CHD8: variants seen among roughly 807,000 people sequenced by gnomAD.
CHD8 encodes ATP-dependent chromatin remodeler CHD8.
CHD8 carries 31 observed loss-of-function variants against 279.2 expected under a neutral mutation model. That is an observed-to-expected ratio of 0.11 (90% CI 0.08 to 0.15). The LOEUF is 0.15. Ranked by LOEUF, CHD8 falls within the 10% of genes least tolerant of loss-of-function variation. The probability of loss-of-function intolerance (pLI) is 1.00; values close to 1 mark genes in which losing one functional copy is unlikely to be tolerated. For missense variants in CHD8, 2,146 were observed against 3,230.5 expected (o/e 0.66, Z 8.14); for synonymous variants, 1,081 against 1,139.6 (o/e 0.95, Z 1.04).
chr14:21,423,310 C>G (rs1889137486), intron 5 of CHD8, among the ~76,000 whole-genome samples: 1 of 152,158 alleles, frequency 6.6e-6, no homozygotes, highest in Non-Finnish European at 1.5e-5. Context: ...TGGCGAGGAC[C>G]TTCTTGCCAC....
intron 1 of CHD8, among the ~76,000 whole-genome samples, chr14:21,448,337 A>G (rs1244408902): frequency 6.6e-6 from 1 of 152,248 alleles, no homozygotes; most frequent in Non-Finnish European, 1.5e-5. Flanking sequence ...TTTCCCCTGT[A>G]CAGCTTAAAG....
chr14:21,438,852 G>T (rs1889885442), intron 1 of CHD8, among the ~76,000 whole-genome samples: 2 of 151,168 alleles, frequency 1.3e-5, no homozygotes, highest in Non-Finnish European at 3.0e-5. Context: ...AAAAAGCCAG[G>T]TGCAGTGGCT....
At chr14:21,418,824 A>C (rs1888875370) in intron 5 of CHD8, among the ~76,000 whole-genome samples, 1 of 152,166 alleles carries the variant, frequency 6.6e-6, no homozygotes, top group South Asian at 2.1e-4. Flanking sequence ...CCGTCTCAAA[A>C]AATAAATAAA....
At chr14:21,415,480 G>T (rs1180198078) in intron 7 of CHD8, 94 bp downstream of exon 7, 18 of 701,426 alleles carry the variant, frequency 2.6e-5, no homozygotes, top group Non-Finnish European at 3.6e-5. Context: ...ACTTTAGCCT[G>T]GGTAACACAG....
Position 21,415,913 on chromosome 14 carries a change from G to T in CHD8, c.1717-6C>A, listed in dbSNP as rs367898875. ...TGGCGGTTTGAGCGTCTCTTCTGTA[G>T]AGCAAAAAGTAGTTAGAGTGACTAG... is the stretch of plus-strand genomic sequence containing the variant. On this transcript the variant is annotated splice_polypyrimidine_tract_variant and splice_region_variant and intron_variant, in intron 5 of 37. Coordinates refer to ENST00000646647, the MANE Select transcript of CHD8 (RefSeq NM_001170629.2). The T allele has an allele frequency of 3.7e-6, 6 of 1,608,994 alleles. No individual in the cohort carries two copies. The African/African-American group carries it at 6.7e-5, about 18-fold the overall frequency.
intron 26 of CHD8, chr14:21,399,175 T>C: frequency 3.5e-6 from 1 of 287,940 alleles, no homozygotes; most frequent in South Asian, 3.4e-5. Context: ...TCCCTCTGCC[T>C]ACTCACCCAG....
chr14:21,450,423 A>C (rs1890229409), intron 1 of CHD8, among the ~76,000 whole-genome samples: 1 of 152,212 alleles, frequency 6.6e-6, no homozygotes, highest in Admixed American at 6.5e-5. Context: ...GTGGAAGAAA[A>C]AAAGAAAGCA....
chr14:21,426,500 G>C (rs1889324845), intron 4 of CHD8: 1 of 386,392 alleles, frequency 2.6e-6, no homozygotes, highest in African/African-American at 2.1e-5. Context: ...AAGGAAGGTA[G>C]CACAAGATAG....
intron 37 of CHD8, among the ~76,000 whole-genome samples, chr14:21,386,503 G>A (rs773808779): frequency 1.7e-4 from 26 of 152,248 alleles, no homozygotes; most frequent in East Asian, 5.8e-4. Context: ...TTGTTAAGAA[G>A]GGGTCTGGGT....
chr14:21,423,043 G>A (rs537612594), intron 5 of CHD8, among the ~76,000 whole-genome samples: 26 of 152,094 alleles, frequency 1.7e-4, no homozygotes, highest in Admixed American at 5.9e-4. Context: ...CCAACATGGC[G>A]AAACCCTGTC....
intron 21 of CHD8, 148 bp downstream of exon 21, chr14:21,401,255 C>A: frequency 1.4e-6 from 1 of 735,864 alleles, no homozygotes. Context: ...TTTCTGGGGC[C>A]TCCTAGGTAG....
chr14:21,396,587 T>C (rs1887795465), intron 27 of CHD8: 2 of 152,024 alleles, frequency 1.3e-5, no homozygotes, highest in African/African-American at 4.8e-5. Flanking sequence ...TATTTATTTA[T>C]TTATTTTTTG....
chr14:21,455,936 G>A (rs1208057270), intron 1 of CHD8, 96 bp downstream of exon 1: 2 of 153,692 alleles, frequency 1.3e-5, no homozygotes, highest in Non-Finnish European at 2.9e-5. Context: ...GTGGAAGAGA[G>A]AGGAGAAGGA....
At chr14:21,434,632 G>C (rs1889704127) in intron 1 of CHD8, among the ~76,000 whole-genome samples, 1 of 151,870 alleles carries the variant, frequency 6.6e-6, no homozygotes, top group African/African-American at 2.4e-5. Flanking sequence ...CCAAATTTCT[G>C]CTTCTTCTAG....
Position 21,427,940 on chromosome 14 carries a change from C to G in CHD8, c.1530G>C (p.Arg510Ser). The G allele has an allele frequency of 1.2e-6, 2 of 1,614,060 alleles. No individual in the cohort carries two copies. The highest frequency in any genetic ancestry group is 1.7e-6 in the Non-Finnish European group (2 of 1,179,904). The part of the protein sequence containing the change: ...KKRRKKSAGE[R>S]LKEEKPKKSK... The stretch of plus-strand genomic sequence containing the variant: ...TCTTCTTTGGCTTCTCCTCTTTCAG[C>G]CTCTCCCCAGCACTCTTCTTCCTGC... Residue 510 changes from arginine to serine, a missense_variant, in exon 4 of 38, where the codon AGG becomes AGC. By Grantham distance (110) the Arg-to-Ser change is moderately radical (BLOSUM62 -1). Transcript: ENST00000646647.
In CHD8 at chr14:21,408,868, C is replaced by T. The variant is rs1566428248; in HGVS notation, c.2365-43G>A. On this transcript the variant is annotated intron_variant, in intron 11 of 37. Coordinates refer to ENST00000646647, the MANE Select transcript of CHD8 (RefSeq NM_001170629.2). This position sits in a 1 kb window ranked among gnomAD's most constrained non-coding sequence, Gnocchi z 4.3. ...TGAATAAATGGAGTGGAGACATTAT[C>T]AAAAGGTAAGACTTACTAGGTAAGT... is the stretch of plus-strand genomic sequence containing the variant. 5 of 1,579,156 alleles carry T rather than the reference C, an allele frequency of 3.2e-6. No individual in the cohort carries two copies. Among genetic ancestry groups the T allele is most frequent in the East Asian group, 4.5e-5 (2 of 43,986 alleles).
intron 37 of CHD8, among the ~76,000 whole-genome samples, chr14:21,389,558 CT>C (rs1183755396): frequency 6.6e-6 from 1 of 152,152 alleles, no homozygotes; most frequent in Non-Finnish European, 1.5e-5. Flanking sequence ...TTGCCGTGAG[CT>C]GAGATTGTGG....
At position 21,431,382 on chromosome 14, in the gene CHD8, C is replaced by G; in HGVS notation, c.262G>C (p.Glu88Gln). 1 of 1,537,272 alleles carries G rather than the reference C, an allele frequency of 6.5e-7. No individual in the cohort carries two copies. The highest frequency in any genetic ancestry group is 8.7e-7 in the Non-Finnish European group (1 of 1,146,920). ...GTATAATCATGCAAGGTTATGGATTCTGGAGCTGGAGCTGTGGATTCTTTG... is the reference window on the plus strand; with the variant it reads ...GTATAATCATGCAAGGTTATGGATTGTGGAGCTGGAGCTGTGGATTCTTTG... The part of the protein sequence containing the change: ...LSKESTAPAP[E>Q]SITLHDYTTQ... Residue 88 changes from glutamate (E) to glutamine (Q), a missense_variant, in exon 2 of 38, where the codon GAA becomes CAA. Glu to Gln is a conservative substitution (Grantham distance 29). Coordinates refer to ENST00000646647, the MANE Select transcript of CHD8 (RefSeq NM_001170629.2).
chr14:21,453,842 G>A (rs1420508272), intron 1 of CHD8, among the ~76,000 whole-genome samples: 2 of 151,756 alleles, frequency 1.3e-5, no homozygotes, highest in African/African-American at 4.9e-5. Context: ...ACACAGTTTT[G>A]ACACCCACAA....
Sources: allele counts gnomAD v4.1 joint callset (sites outside exome capture counted in the v4.1 genomes callset), GRCh38; gene constraint gnomAD v4.1.1; non-coding constraint Gnocchi (gnomAD v3.1); transcripts MANE v1.5; gene names NCBI Gene and HGNC (gene_info 2026-07-23, HGNC 2026-07-21).